Variants in RBM47 observed in about 807,000 individuals in gnomAD.
RBM47 encodes the protein RNA binding motif protein 47.
Under a neutral mutation model 47.1 loss-of-function variants are expected in RBM47, and 21 were observed. The observed-to-expected ratio is 0.45, with a 90% CI of 0.32 to 0.64. RBM47 has a LOEUF of 0.64. Ranked by LOEUF, RBM47 falls within the 30% of genes least tolerant of loss-of-function variation. RBM47 has a pLI of 0.05. For missense variants in RBM47, 708 were observed against 870.9 expected (o/e 0.81, Z 2.35); for synonymous variants, 375 against 361.7 (o/e 1.04, Z -0.42).
intron 2 of RBM47, among the ~76,000 whole-genome samples, chr4:40,474,264 C>T (rs779910167): frequency 1.9e-4 from 29 of 152,186 alleles, no homozygotes; most frequent in South Asian, 4.1e-4. Flanking sequence ...TAGCTTGGAA[C>T]CGAGAAGCAG....
chr4:40,454,130 G>A (rs1179547025), intron 3 of RBM47, among the ~76,000 whole-genome samples: 2 of 152,130 alleles, frequency 1.3e-5, no homozygotes, highest in Admixed American at 6.6e-5. Flanking sequence ...TTATGGGGAC[G>A]GTGGCAGAGT....
At chr4:40,619,971 C>T (rs995281307) in intron 1 of RBM47, among the ~76,000 whole-genome samples, 4 of 152,020 alleles carry the variant, frequency 2.6e-5, no homozygotes, top group Admixed American at 1.3e-4. Context: ...GCCGAGGCCG[C>T]GGATCACTTG....
chr4:40,504,522 A>T (rs893963628), intron 2 of RBM47, among the ~76,000 whole-genome samples: 1 of 151,986 alleles, frequency 6.6e-6, no homozygotes, highest in Non-Finnish European at 1.5e-5. Context: ...CGAACTCCTG[A>T]CCTCAAGTGA....
chr4:40,573,399 A>G (rs1731929752), intron 1 of RBM47, among the ~76,000 whole-genome samples: 1 of 151,840 alleles, frequency 6.6e-6, no homozygotes, highest in South Asian at 2.1e-4. Context: ...AGTAAATATT[A>G]TAAAGAGAAA....
chr4:40,575,380 G>A (rs60976364), intron 1 of RBM47, among the ~76,000 whole-genome samples: 18,592 of 151,602 alleles, frequency 0.12, 1,350 homozygotes, highest in Admixed American at 0.19. Context: ...GGAGAAACCC[G>A]GTCTCTACTT....
In RBM47 at chr4:40,500,157, T is replaced by C. The variant is rs547579015; in HGVS notation, c.-154-33458A>G. 6.6e-5 allele frequency among the ~76,000 whole-genome samples: 10 copies of C among 152,002 alleles called. No individual in the cohort carries two copies. The East Asian group carries it at 1.4e-3, about 21-fold the overall frequency. On this transcript the variant is annotated intron_variant, in intron 2 of 6. Coordinates refer to ENST00000295971, the MANE Select transcript of RBM47 (RefSeq NM_001098634.2). Reference sequence around the variant, plus strand: ...GAGTGAAATCCCGTTCTACTAAAAATACAAAATTAGCCGGGTGTGGTGGTG... The same window carrying C: ...GAGTGAAATCCCGTTCTACTAAAAACACAAAATTAGCCGGGTGTGGTGGTG...
intron 2 of RBM47, among the ~76,000 whole-genome samples, chr4:40,522,852 T>C (rs889417114): frequency 6.6e-6 from 1 of 152,158 alleles, no homozygotes; most frequent in Non-Finnish European, 1.5e-5. Flanking sequence ...AGCTTACTAT[T>C]ATTCTTGTTA....
chr4:40,535,045 T>C (rs28605573), intron 2 of RBM47, among the ~76,000 whole-genome samples: 2,443 of 152,272 alleles, frequency 0.016, 79 homozygotes, highest in African/African-American at 0.056. Flanking sequence ...TGTTGTCTTT[T>C]AAGTCTGTTT....
chr4:40,616,897 A>T (rs1736796999), intron 1 of RBM47, among the ~76,000 whole-genome samples: 1 of 91,636 alleles, frequency 1.1e-5, no homozygotes, highest in African/African-American at 4.1e-5. Flanking sequence ...TTTTTTTGAG[A>T]CAGAGTCTTG....
intron 2 of RBM47, among the ~76,000 whole-genome samples, chr4:40,518,712 T>C (rs752766064): frequency 6.6e-6 from 1 of 151,822 alleles, no homozygotes; most frequent in Non-Finnish European, 1.5e-5. Context: ...ATCAGGGGTG[T>C]CCAATCTTTT....
At chr4:40,533,976 C>T (rs1013101556) in intron 2 of RBM47, among the ~76,000 whole-genome samples, 2 of 151,848 alleles carry the variant, frequency 1.3e-5, no homozygotes, top group South Asian at 2.1e-4. Context: ...CCACCACGCC[C>T]GGCTAATTCT....
At chr4:40,499,011 C>A (rs1027893612) in intron 2 of RBM47, among the ~76,000 whole-genome samples, 5 of 152,100 alleles carry the variant, frequency 3.3e-5, no homozygotes, top group Non-Finnish European at 7.3e-5. Context: ...CACCATTGCA[C>A]TCCAGCCTGG....
chr4:40,484,334 G>C (rs1206848556), intron 2 of RBM47, among the ~76,000 whole-genome samples: 3 of 152,064 alleles, frequency 2.0e-5, no homozygotes, highest in African/African-American at 4.8e-5. Context: ...TATTTGTTCT[G>C]TCCCTCATTC....
chr4:40,593,874 ACT>A (rs2154275845), intron 1 of RBM47, among the ~76,000 whole-genome samples: 1 of 120,880 alleles, frequency 8.3e-6, no homozygotes, highest in East Asian at 2.3e-4. Context: ...ACCAAGCGAG[ACT>A]CTGTCTCAAA....
chr4:40,562,069 C>G (rs1479272879), intron 1 of RBM47, among the ~76,000 whole-genome samples: 1 of 152,182 alleles, frequency 6.6e-6, no homozygotes, highest in Non-Finnish European at 1.5e-5. Flanking sequence ...GTTTTACAAT[C>G]AGTACCCCAT....
chr4:40,524,131 T>A (rs1726478409), intron 2 of RBM47, among the ~76,000 whole-genome samples: 1 of 152,186 alleles, frequency 6.6e-6, no homozygotes, highest in Admixed American at 6.6e-5. Flanking sequence ...CTCGGCTATG[T>A]CCCTCCCACA....
intron 1 of RBM47, among the ~76,000 whole-genome samples, chr4:40,550,093 A>G (rs1729421041): frequency 6.6e-6 from 1 of 152,210 alleles, no homozygotes; most frequent in Non-Finnish European, 1.5e-5. Flanking sequence ...CCACAGCCAC[A>G]AAGGGTCAAA....
In RBM47 at chr4:40,443,199, C is replaced by T. The variant is rs116094029; in HGVS notation, c.-31-4275G>A. On this transcript the variant is annotated intron_variant, in intron 3 of 6. Transcript: ENST00000295971. ...ATTAGTGCTTCATGGGTGTGGGTGT[C>T]TTAATTAGGGATAATAAAGGTCTGG... Among the ~76,000 whole-genome samples, 991 of 151,994 alleles carry T rather than the reference C, an allele frequency of 6.5e-3. 13 individuals carry two copies. The highest frequency in any genetic ancestry group is 0.023 in the African/African-American group (940 of 41,434).
rs1414907196 is a variant in RBM47 at position 40,438,299 on chromosome 4, C to T, written c.595G>A (p.Val199Met). 6.2e-7 allele frequency: 1 copy of T among 1,605,102 alleles called. No homozygotes were observed. Among genetic ancestry groups the T allele is most frequent in the Non-Finnish European group, 8.5e-7 (1 of 1,179,888 alleles). ...DKMKNRGFAF[V>M]EYESHRAAAM... ...GCCGCGCGGTGGCTCTCGTACTCCA[C>T]GAAGGCGAAGCCGCGGTTCTTCATC... Residue 199 changes from valine (V) to methionine (M), a missense_variant, in exon 4 of 7, where the codon GTG becomes ATG. Transcript: ENST00000295971.
Sources: allele counts gnomAD v4.1 joint callset (sites outside exome capture counted in the v4.1 genomes callset), GRCh38; gene constraint gnomAD v4.1.1; transcripts MANE v1.5; gene names NCBI Gene and HGNC (gene_info 2026-07-23, HGNC 2026-07-21).